Variants in CSMD2 observed in about 807,000 individuals in gnomAD.
CSMD2 encodes CUB and Sushi multiple domains 2.
Under a neutral mutation model 398.5 loss-of-function variants are expected in CSMD2, and 130 were observed. That is an observed-to-expected ratio of 0.33 (90% confidence interval 0.28 to 0.38). The LOEUF is 0.38. Among genes scored for constraint, CSMD2 ranks in the 10% least tolerant of loss-of-function variants. The pLI, the probability that CSMD2 is intolerant of heterozygous loss-of-function variation, is 1.00. For missense variants in CSMD2, 3,829 were observed against 4,764.9 expected (o/e 0.80, Z 5.78); for synonymous variants, 1,828 against 1,908.5 (o/e 0.96, Z 1.10).
At chr1:34,134,393 C>A (rs1638496181) in intron 1 of CSMD2, among the ~76,000 whole-genome samples, 1 of 152,160 alleles carries the variant, frequency 6.6e-6, no homozygotes, top group Admixed American at 6.6e-5. Flanking sequence ...TTCATATTTT[C>A]ATTTCCAAAT....
intron 37 of CSMD2, among the ~76,000 whole-genome samples, chr1:33,618,395 C>T (rs558443601): frequency 1.3e-5 from 2 of 152,208 alleles, no homozygotes; most frequent in South Asian, 2.1e-4. Flanking sequence ...GACCTCCTTG[C>T]TCAGTGATTT....
chr1:33,911,543 ACAAAAG>A (rs1643443838), intron 5 of CSMD2, among the ~76,000 whole-genome samples: 1 of 152,246 alleles, frequency 6.6e-6, no homozygotes, highest in South Asian at 2.1e-4. Flanking sequence ...ACCTACAAAA[ACAAAAG>A]CAAATGAATG....
At chr1:33,662,828 A>T in intron 26 of CSMD2, 62 bp downstream of exon 26, 2 of 1,434,474 alleles carry the variant, frequency 1.4e-6, no homozygotes, top group Non-Finnish European at 2.0e-6. Context: ...TGAGGGCCAG[A>T]GGAAGGTGGG....
chr1:33,912,075 G>A (rs1243545785), intron 5 of CSMD2, among the ~76,000 whole-genome samples: 1 of 152,124 alleles, frequency 6.6e-6, no homozygotes, highest in Non-Finnish European at 1.5e-5. Flanking sequence ...CCAGGACAGT[G>A]TCCTCCTCTG....
At chr1:33,752,319 G>A (rs1322305885) in intron 13 of CSMD2, among the ~76,000 whole-genome samples, 1 of 152,200 alleles carries the variant, frequency 6.6e-6, no homozygotes, top group Non-Finnish European at 1.5e-5. Context: ...GGTGATGAGT[G>A]AATTTTTGTT....
intron 5 of CSMD2, among the ~76,000 whole-genome samples, chr1:33,849,589 T>G: frequency 6.6e-6 from 1 of 152,218 alleles, no homozygotes; most frequent in East Asian, 1.9e-4. Context: ...GTTGATTAGA[T>G]GAGATGTACA....
At chr1:33,551,526 C>A (rs978829269) in intron 55 of CSMD2, among the ~76,000 whole-genome samples, 1 of 152,222 alleles carries the variant, frequency 6.6e-6, no homozygotes, top group Non-Finnish European at 1.5e-5. Flanking sequence ...CAGACCACAA[C>A]AGGTGACCAA....
chr1:34,104,192 T>C (rs1660297509), intron 1 of CSMD2, among the ~76,000 whole-genome samples: 1 of 152,240 alleles, frequency 6.6e-6, no homozygotes, highest in South Asian at 2.1e-4. Context: ...AATGTCATTT[T>C]TCTCATTATT....
chr1:33,865,302 C>G (rs967479848), intron 5 of CSMD2, among the ~76,000 whole-genome samples: 4 of 151,428 alleles, frequency 2.6e-5, no homozygotes, highest in African/African-American at 9.7e-5. Context: ...CCTGAGGGAA[C>G]CCAGGATTTC....
chr1:33,847,929 G>A (rs1312827915), intron 5 of CSMD2, among the ~76,000 whole-genome samples: 5 of 152,188 alleles, frequency 3.3e-5, no homozygotes, highest in African/African-American at 1.2e-4. Flanking sequence ...AACGGCAGCT[G>A]CTGTTCCATT....
chr1:34,147,206 C>A (rs995086550), intron 1 of CSMD2, among the ~76,000 whole-genome samples: 3 of 151,774 alleles, frequency 2.0e-5, no homozygotes, highest in Non-Finnish European at 4.4e-5. Flanking sequence ...TGCAGTGAGC[C>A]GAGATCGTGC....
intron 2 of CSMD2, among the ~76,000 whole-genome samples, chr1:34,059,459 G>A (rs1020801259): frequency 6.6e-6 from 1 of 152,104 alleles, no homozygotes; most frequent in Non-Finnish European, 1.5e-5. Context: ...GTCAATTCTA[G>A]CACCCTATTT....
At chr1:34,135,616 CAAAAAAAAAAAAA>C (rs55936483) in intron 1 of CSMD2, among the ~76,000 whole-genome samples, 1 of 82,618 alleles carries the variant, frequency 1.2e-5, no homozygotes, top group East Asian at 3.6e-4. Flanking sequence ...GACTCCATCT[CAAAAAAAAAAAAA>C]AAAAAAAAAA....
chr1:33,733,664 A>G (rs575853470), intron 15 of CSMD2, among the ~76,000 whole-genome samples: 2 of 152,256 alleles, frequency 1.3e-5, no homozygotes, highest in Admixed American at 1.3e-4. Flanking sequence ...CTGTCATGAT[A>G]GTGAGTCGCA....
At chr1:34,147,905 A>T (rs1427976114) in intron 1 of CSMD2, among the ~76,000 whole-genome samples, 2 of 152,132 alleles carry the variant, frequency 1.3e-5, no homozygotes, top group Non-Finnish European at 2.9e-5. Flanking sequence ...GTTGTTCAAG[A>T]GAGTGAGCGG....
Position 34,103,474 on chromosome 1 carries a change from G to GT in CSMD2, c.188-14282dup, listed in dbSNP as rs200839657. 5.8e-3 allele frequency among the ~76,000 whole-genome samples: 877 copies of GT among 151,746 alleles called. 12 individuals carry two copies. The highest frequency in any genetic ancestry group is 0.054 in the East Asian group (279 of 5,138). ...CCACCACGCCCAGCTAATTTTTCACGTTTTTAGTAGAGACGGGGTTTCACC... is the reference window on the plus strand; with the variant it reads ...CCACCACGCCCAGCTAATTTTTCACGTTTTTTAGTAGAGACGGGGTTTCACC... On this transcript the variant is annotated intron_variant, in intron 1 of 70. Coordinates refer to ENST00000373381, the MANE Select transcript of CSMD2 (RefSeq NM_001281956.2).
chr1:34,165,156 A>G lies in CSMD2; in HGVS notation c.-59T>C, dbSNP rs938635521. 7.5e-6 allele frequency: 9 copies of G among 1,200,476 alleles called. No individual in the cohort carries two copies. The East Asian group carries it at 2.1e-4, about 28-fold the overall frequency. 74.4% of individuals were successfully genotyped at this position (1,200,476 alleles called of 1,614,324 possible). A position where few individuals can be genotyped will look rare whatever the true frequency, so the allele number is the denominator to read the frequency against. Reference sequence around the variant, plus strand: ...CTCGCCGCCGAGGAGAAAGGAGGTCAGGAGAGCTCTGGAGCTTTTTTCTGC... The same window carrying G: ...CTCGCCGCCGAGGAGAAAGGAGGTCGGGAGAGCTCTGGAGCTTTTTTCTGC... On this transcript the variant is annotated 5_prime_UTR_variant, in exon 1 of 71. Coordinates refer to ENST00000373381, the MANE Select transcript of CSMD2 (RefSeq NM_001281956.2).
At chr1:34,069,124 CA>C (rs1436407400) in intron 2 of CSMD2, among the ~76,000 whole-genome samples, 4 of 152,198 alleles carry the variant, frequency 2.6e-5, no homozygotes, top group Admixed American at 6.5e-5. Context: ...TTGCACCCCC[CA>C]GGGCCTCATA....
At chr1:33,748,129 CAA>C (rs777453503) in intron 13 of CSMD2, among the ~76,000 whole-genome samples, 8 of 152,264 alleles carry the variant, frequency 5.3e-5, no homozygotes, top group Non-Finnish European at 8.8e-5. Flanking sequence ...TCTTCCATCT[CAA>C]AAGAGTACTC....
Sources: allele counts gnomAD v4.1 joint callset (sites outside exome capture counted in the v4.1 genomes callset), GRCh38; gene constraint gnomAD v4.1.1; transcripts MANE v1.5; gene names NCBI Gene and HGNC (gene_info 2026-07-23, HGNC 2026-07-21).